RCOR1: variants seen among roughly 807,000 people sequenced by gnomAD.
RCOR1 encodes REST corepressor 1, also known as REST corepressor.
RCOR1 carries 12 observed loss-of-function variants against 64.0 expected under a neutral mutation model. The ratio of observed to expected loss-of-function variants is 0.19; its 90% CI spans 0.12 to 0.30. The LOEUF (loss-of-function observed/expected upper bound fraction) is 0.30, where lower values mean the gene tolerates loss of function less well. Ranked by LOEUF, RCOR1 falls within the 10% of genes least tolerant of loss-of-function variation. The pLI is 1.00. For synonymous variants in RCOR1, 279 were observed against 227.2 expected, an observed-to-expected ratio of 1.23 and a Z score of -2.05; for missense variants, 502 against 621.2, an observed-to-expected ratio of 0.81 and a Z score of 2.04.
intron 2 of RCOR1, chr14:102,643,472 C>T (rs1234829741): frequency 7.3e-6 from 2 of 274,284 alleles, no homozygotes; most frequent in Admixed American, 1.3e-4. Flanking sequence ...ATGGTAATTA[C>T]CTTGCCAGAA....
intron 2 of RCOR1, among the ~76,000 whole-genome samples, chr14:102,608,496 G>A (rs1421214537): frequency 6.6e-6 from 1 of 151,970 alleles, no homozygotes; most frequent in African/African-American, 2.4e-5. Context: ...GGGCAGTGGC[G>A]TGATCTCAAC....
intron 6 of RCOR1, among the ~76,000 whole-genome samples, chr14:102,710,441 C>T (rs1047502212): frequency 6.6e-6 from 1 of 152,104 alleles, no homozygotes; most frequent in Non-Finnish European, 1.5e-5. Context: ...GTCCAGGACA[C>T]CAGAAAAGCC....
intron 2 of RCOR1, among the ~76,000 whole-genome samples, chr14:102,633,070 A>G (rs1366722457): frequency 6.6e-6 from 1 of 151,654 alleles, no homozygotes; most frequent in African/African-American, 2.4e-5. Flanking sequence ...CAGCATCCCA[A>G]AAGTGCTGGG....
intron 3 of RCOR1, among the ~76,000 whole-genome samples, chr14:102,687,727 T>C (rs1230146035): frequency 6.6e-6 from 1 of 152,152 alleles, no homozygotes; most frequent in East Asian, 1.9e-4. Context: ...AATGTTCACT[T>C]ATTGGAGAAG....
At chr14:102,643,386 TA>T in intron 2 of RCOR1, 1 of 840,314 alleles carries the variant, frequency 1.2e-6, no homozygotes, top group Non-Finnish European at 1.4e-6. Context: ...GAATGTTGAG[TA>T]ATGGGATAGT....
At chr14:102,686,376 G>A (rs1895419437) in intron 3 of RCOR1, among the ~76,000 whole-genome samples, 2 of 152,152 alleles carry the variant, frequency 1.3e-5, no homozygotes, top group South Asian at 4.1e-4. Flanking sequence ...CCCTCCCCCA[G>A]TGTGAACATC....
At chr14:102,604,498 G>T (rs994674583) in intron 2 of RCOR1, among the ~76,000 whole-genome samples, 20 of 152,088 alleles carry the variant, frequency 1.3e-4, no homozygotes, top group Admixed American at 8.5e-4. Context: ...CAAATCATTT[G>T]ACCCTCACAA....
At chr14:102,711,789 C>T (rs190086995) in intron 7 of RCOR1, among the ~76,000 whole-genome samples, 12 of 152,122 alleles carry the variant, frequency 7.9e-5, no homozygotes, top group Admixed American at 2.0e-4. Flanking sequence ...TTCTTATAGA[C>T]AAGGTAGGAA....
At chr14:102,717,864 C>T (rs566540346) in intron 8 of RCOR1, among the ~76,000 whole-genome samples, 1 of 152,082 alleles carries the variant, frequency 6.6e-6, no homozygotes, top group Admixed American at 6.5e-5. Context: ...CAGCCTCACT[C>T]AGAGAGGAGG....
intron 2 of RCOR1, among the ~76,000 whole-genome samples, chr14:102,630,778 C>G (rs1023497788): frequency 6.6e-6 from 1 of 152,168 alleles, no homozygotes; most frequent in African/African-American, 2.4e-5. Context: ...GTCCCCTTCT[C>G]CCTCATAGGA....
Position 102,592,923 on chromosome 14 carries a change from G to C in RCOR1, c.37G>C (p.Gly13Arg). The change falls in exon 1 of 12, where the codon GGG (glycine) becomes CGG (arginine). Residue 13 changes from glycine to arginine, a missense_variant. Coordinates refer to ENST00000262241, the MANE Select transcript of RCOR1 (RefSeq NM_015156.4). ...AMVEKGPEVS[G>R]KRRGRNNAAA... ...GGTGGAGAAGGGCCCCGAGGTCTCAGGGAAGCGGAGAGGGAGGAACAACGC... is the reference window on the plus strand; with the variant it reads ...GGTGGAGAAGGGCCCCGAGGTCTCACGGAAGCGGAGAGGGAGGAACAACGC... 8.1e-7 allele frequency: 1 copy of C among 1,241,344 alleles called. No homozygotes were observed. The highest frequency in any genetic ancestry group is 2.2e-5 in the South Asian group (1 of 45,992). The allele number at this position is 1,241,344 out of a possible 1,614,324, so 76.9% of individuals were successfully genotyped here.
intron 2 of RCOR1, among the ~76,000 whole-genome samples, chr14:102,647,506 CG>C (rs1284868111): frequency 1.3e-5 from 2 of 151,624 alleles, no homozygotes; most frequent in Non-Finnish European, 2.9e-5. Flanking sequence ...TTAGTAGAGA[CG>C]GGGTTTCCCC....
At chr14:102,618,683 A>G (rs532719935) in intron 2 of RCOR1, among the ~76,000 whole-genome samples, 1 of 152,344 alleles carries the variant, frequency 6.6e-6, no homozygotes, top group African/African-American at 2.4e-5. Context: ...TGTACATTTT[A>G]GAAAATAACT....
At chr14:102,631,242 G>A (rs1187527133) in intron 2 of RCOR1, among the ~76,000 whole-genome samples, 2 of 149,520 alleles carry the variant, frequency 1.3e-5, no homozygotes, top group African/African-American at 2.5e-5. Flanking sequence ...TTGCTGTGTC[G>A]CCTGGGCTGG....
chr14:102,729,650 A>G lies in RCOR1; in HGVS notation c.*3144A>G. The G allele has an allele frequency of 5.1e-6, 2 of 391,694 alleles. No homozygotes were observed. The highest frequency in any genetic ancestry group is 3.6e-5 in the East Asian group (1 of 27,582). 24.3% of individuals were successfully genotyped at this position (391,694 alleles called of 1,614,324 possible). A position where few individuals can be genotyped will look rare whatever the true frequency, so the allele number is the denominator to read the frequency against. ...TAAAACAGTGGCTTTCTGTTCATCT[A>G]AAGTTTCCTCAGATACCACAGACCA... On this transcript the variant is annotated 3_prime_UTR_variant, in exon 12 of 12. Transcript: ENST00000262241.
chr14:102,620,521 C>T (rs960829919), intron 2 of RCOR1, among the ~76,000 whole-genome samples: 4 of 152,128 alleles, frequency 2.6e-5, no homozygotes, highest in African/African-American at 9.7e-5. Context: ...GAGCCGAGAT[C>T]GTGCCGTTGT....
chr14:102,681,858 A>AATTTTAAT (rs1895311311), intron 2 of RCOR1, 37 bp from the exon 3 acceptor site: 2 of 1,475,864 alleles, frequency 1.4e-6, no homozygotes, highest in East Asian at 4.7e-5. Flanking sequence ...ATATGTGTTA[A>AATTTTAAT]ATTTTAATAA....
chr14:102,693,357 G>A (rs1236305456), intron 3 of RCOR1, among the ~76,000 whole-genome samples: 1 of 151,286 alleles, frequency 6.6e-6, no homozygotes, highest in Non-Finnish European at 1.5e-5. Context: ...CACACAGTAG[G>A]CCTGAAAGAT....
chr14:102,695,987 A>G (rs1473133139), intron 3 of RCOR1, among the ~76,000 whole-genome samples: 1 of 152,172 alleles, frequency 6.6e-6, no homozygotes, highest in East Asian at 1.9e-4. Flanking sequence ...AAAAGATTGT[A>G]AAGAGCTTAA....
Sources: allele counts gnomAD v4.1 joint callset (sites outside exome capture counted in the v4.1 genomes callset), GRCh38; gene constraint gnomAD v4.1.1; transcripts MANE v1.5; gene names NCBI Gene and HGNC (gene_info 2026-07-23, HGNC 2026-07-21).